Variants in SETBP1 observed in about 807,000 individuals in gnomAD.
The protein encoded by SETBP1 is SET-binding protein.
SETBP1 carries 9 observed loss-of-function variants against 101.0 expected under a neutral mutation model. That is an observed-to-expected ratio of 0.09 (90% confidence interval 0.05 to 0.16). SETBP1 has a LOEUF of 0.16. Ranked by LOEUF, SETBP1 falls within the 10% of genes least tolerant of loss-of-function variation. SETBP1 has a pLI of 1.00. For missense variants in SETBP1, 1,858 were observed against 2,033.8 expected (o/e 0.91, Z 1.66); for synonymous variants, 818 against 788.5 (o/e 1.04, Z -0.63).
At position 45,049,889 on chromosome 18, in the gene SETBP1, T is replaced by G. The variant is rs145681647; in HGVS notation, c.4171+11234T>G. On this transcript the variant is annotated intron_variant, in intron 5 of 5. Transcript: ENST00000649279. ...CTCCAATACAGACAAGAGTATAAAA[T>G]TAATGAGGAAACCCAGGTTTTATCA... Among the ~76,000 whole-genome samples the G allele has an allele frequency of 2.5e-3, 383 of 152,280 alleles. 2 individuals carry two copies. The highest frequency in any genetic ancestry group is 0.024 in the Middle Eastern group (7 of 294).
chr18:44,775,522 T>G (rs976032792), intron 2 of SETBP1, among the ~76,000 whole-genome samples: 10 of 152,204 alleles, frequency 6.6e-5, no homozygotes, highest in Non-Finnish European at 1.5e-4. Context: ...CTACCATCAC[T>G]TCCTCCATAG....
intron 4 of SETBP1, among the ~76,000 whole-genome samples, chr18:45,013,342 C>T (rs769841614): frequency 2.6e-5 from 4 of 152,220 alleles, no homozygotes; most frequent in Non-Finnish European, 4.4e-5. Flanking sequence ...AAACAAAGGC[C>T]TGTTTGTAGA....
At chr18:44,784,173 A>G (rs926529707) in intron 2 of SETBP1, among the ~76,000 whole-genome samples, 1 of 152,238 alleles carries the variant, frequency 6.6e-6, no homozygotes, top group African/African-American at 2.4e-5. Context: ...CTAAAGATAC[A>G]ATGCAGAAAA....
intron 4 of SETBP1, among the ~76,000 whole-genome samples, chr18:44,954,892 C>G (rs2071448999): frequency 6.6e-6 from 1 of 152,212 alleles, no homozygotes; most frequent in South Asian, 2.1e-4. Context: ...AAACTGATCT[C>G]TTTCAGCATG....
rs16978200 is a variant in SETBP1 at position 44,845,865 on chromosome 18, T to G, written c.487-23365T>G. 1.3e-3 allele frequency among the ~76,000 whole-genome samples: 199 copies of G among 152,354 alleles called. 5 individuals carry two copies. The East Asian group carries it at 0.034, about 26-fold the overall frequency. On this transcript the variant is annotated intron_variant, in intron 2 of 5. Coordinates refer to ENST00000649279, the MANE Select transcript of SETBP1 (RefSeq NM_015559.3). ...TCGATGTAGAAATTCTATCAAGGTC[T>G]TCAGGTTGCGAGCCCTGTTGATGGA... is the stretch of plus-strand genomic sequence containing the variant.
intron 2 of SETBP1, among the ~76,000 whole-genome samples, chr18:44,856,754 G>A (rs1163756560): frequency 3.3e-5 from 5 of 152,186 alleles, no homozygotes; most frequent in African/African-American, 1.2e-4. Context: ...ATCCTATGAG[G>A]TTGAGGAAAG....
chr18:45,041,014 A>G (rs1295632548), intron 5 of SETBP1, among the ~76,000 whole-genome samples: 1 of 152,222 alleles, frequency 6.6e-6, no homozygotes, highest in Non-Finnish European at 1.5e-5. Context: ...GAGAGCTAGA[A>G]ACACACAGGC....
chr18:44,783,927 T>C (rs74747646), intron 2 of SETBP1, among the ~76,000 whole-genome samples: 5,644 of 152,308 alleles, frequency 0.037, 132 homozygotes, highest in Non-Finnish European at 0.058. Flanking sequence ...GCAAATTTCT[T>C]GTAGTGAAAT....
At chr18:45,052,942 G>A (rs144574540) in intron 5 of SETBP1, among the ~76,000 whole-genome samples, 44 of 152,264 alleles carry the variant, frequency 2.9e-4, no homozygotes, top group African/African-American at 1.1e-3. Context: ...TTTCACAACA[G>A]ACTAGAATAT....
chr18:44,995,135 C>CTTTTTTTTTT (rs58617770), intron 4 of SETBP1, among the ~76,000 whole-genome samples: 3 of 95,028 alleles, frequency 3.2e-5, no homozygotes, highest in Non-Finnish European at 6.0e-5. Context: ...ATGTTATTTA[C>CTTTTTTTTTT]TTTTTTTTTT....
intron 5 of SETBP1, among the ~76,000 whole-genome samples, chr18:45,042,770 G>T (rs1460824687): frequency 6.6e-6 from 1 of 152,076 alleles, no homozygotes; most frequent in Non-Finnish European, 1.5e-5. Flanking sequence ...GTAAAAGGGG[G>T]CCATCGAGGA....
chr18:45,004,376 G>T (rs562404021), intron 4 of SETBP1, among the ~76,000 whole-genome samples: 3 of 152,326 alleles, frequency 2.0e-5, no homozygotes, highest in African/African-American at 7.2e-5. Flanking sequence ...CCTTGGGTGT[G>T]ATGCATCCTT....
chr18:44,766,328 C>G (rs779963042), intron 2 of SETBP1, among the ~76,000 whole-genome samples: 62 of 152,054 alleles, frequency 4.1e-4, no homozygotes, highest in Non-Finnish European at 7.5e-4. Context: ...TTTTTCAGGT[C>G]TGTAAATTGG....
In SETBP1 at chr18:44,950,329, C is replaced by T. The variant is rs772612180; in HGVS notation, c.989C>T (p.Thr330Met). The change falls in exon 4 of 6, where the codon ACG becomes ATG. Residue 330 changes from threonine (T) to methionine (M), a missense_variant. Physicochemically the swap from Thr to Met is moderately conservative, Grantham distance 81. This residue lies in a region of SETBP1 where 581 missense variants were observed against 535.1 expected (regional missense o/e 1.09). Coordinates refer to ENST00000649279, the MANE Select transcript of SETBP1 (RefSeq NM_015559.3). Reference sequence around the variant, plus strand: ...ACAAAGGAGCCCCCAGAACCACCTACGGTGGGCAGCAAGAAAAAGTCCAGT... The same window carrying T: ...ACAAAGGAGCCCCCAGAACCACCTATGGTGGGCAGCAAGAAAAAGTCCAGT... ...GGTKEPPEPP[T>M]VGSKKKSSKK... 1.9e-5 allele frequency: 30 copies of T among 1,613,866 alleles called. No individual in the cohort carries two copies. The highest frequency in any genetic ancestry group is 1.4e-4 in the South Asian group (13 of 91,086).
At chr18:44,895,655 G>A (rs1219482663) in intron 3 of SETBP1, among the ~76,000 whole-genome samples, 6 of 152,048 alleles carry the variant, frequency 3.9e-5, no homozygotes. Context: ...TGGGAAGGTG[G>A]CAATGGTGTT....
intron 2 of SETBP1, among the ~76,000 whole-genome samples, chr18:44,850,489 G>C (rs1045203396): frequency 6.6e-6 from 1 of 151,934 alleles, no homozygotes; most frequent in Non-Finnish European, 1.5e-5. Flanking sequence ...TCCTGTCTCA[G>C]CTTCCCAAGT....
At chr18:44,780,431 A>G (rs1255547198) in intron 2 of SETBP1, among the ~76,000 whole-genome samples, 1 of 152,160 alleles carries the variant, frequency 6.6e-6, no homozygotes, top group Admixed American at 6.5e-5. Flanking sequence ...AGGATAATAA[A>G]TCGTAAATAT....
At chr18:44,817,008 A>G (rs529528219) in intron 2 of SETBP1, among the ~76,000 whole-genome samples, 1 of 152,216 alleles carries the variant, frequency 6.6e-6, no homozygotes, top group South Asian at 2.1e-4. Flanking sequence ...CTTAGGTTAA[A>G]TCCAGACAGC....
At chr18:44,915,021 C>T (rs958546714) in intron 3 of SETBP1, among the ~76,000 whole-genome samples, 53 of 152,172 alleles carry the variant, frequency 3.5e-4, no homozygotes, top group Middle Eastern at 3.4e-3. Flanking sequence ...GTTCAGGTTG[C>T]AACTGATGTC....
Sources: gnomAD v4.1 joint callset for allele counts (sites outside exome capture counted in the v4.1 genomes callset) on GRCh38, gnomAD v4.1.1 for gene constraint, gnomAD v4.1.1 regional missense constraint, MANE v1.5 for transcripts, NCBI Gene and HGNC (gene_info 2026-07-23, HGNC 2026-07-21) for gene names.